COPA: variants seen among roughly 807,000 people sequenced by gnomAD.
COPA encodes the protein coatomer subunit alpha.
A neutral mutation model predicts 158.7 loss-of-function variants in COPA; 10 were observed. That is an observed-to-expected ratio of 0.06 (90% CI 0.04 to 0.11). The LOEUF (loss-of-function observed/expected upper bound fraction) is 0.11. Among genes scored for constraint, COPA ranks in the 10% least tolerant of loss-of-function variants. The probability of loss-of-function intolerance (pLI) is 1.00; values close to 1 mark genes in which losing one functional copy is unlikely to be tolerated. For missense variants in COPA, 1,065 were observed against 1,536.7 expected (o/e 0.69, Z 5.13); for synonymous variants, 462 against 542.8 (o/e 0.85, Z 2.07).
chr1:160,326,396 G>A (rs963329491), intron 6 of COPA, among the ~76,000 whole-genome samples: 1 of 152,168 alleles, frequency 6.6e-6, no homozygotes, highest in African/African-American at 2.4e-5. Flanking sequence ...GTGCAGTGGC[G>A]CGAGCCTGTA....
intron 17 of COPA, among the ~76,000 whole-genome samples, chr1:160,299,589 C>T (rs1160337562): frequency 6.6e-6 from 1 of 151,856 alleles, no homozygotes; most frequent in Admixed American, 6.6e-5. Flanking sequence ...TAATCTATAA[C>T]TGAAAGTAGA....
intron 3 of COPA, among the ~76,000 whole-genome samples, chr1:160,338,850 T>C (rs1225895124): frequency 2.0e-5 from 3 of 152,186 alleles, no homozygotes; most frequent in African/African-American, 4.8e-5. Flanking sequence ...TGTCTTCTTA[T>C]TCAACGTACT....
intron 8 of COPA, among the ~76,000 whole-genome samples, chr1:160,314,412 T>G (rs1403785945): frequency 6.6e-6 from 1 of 152,132 alleles, no homozygotes; most frequent in Admixed American, 6.5e-5. Context: ...GGGGATCACT[T>G]GAGCCTAGGA....
chr1:160,302,023 T>C (rs1658623480), intron 17 of COPA, among the ~76,000 whole-genome samples: 1 of 152,136 alleles, frequency 6.6e-6, no homozygotes, highest in African/African-American at 2.4e-5. Flanking sequence ...TAATTCCACA[T>C]TGCTGGAGAT....
chr1:160,306,228 G>T, intron 15 of COPA, 126 bp downstream of exon 15: 7 of 1,026,610 alleles, frequency 6.8e-6, no homozygotes, highest in Non-Finnish European at 1.0e-5. Flanking sequence ...TTACTATAAA[G>T]AGTCTTGGAG....
intron 26 of COPA, 75 bp downstream of exon 26, chr1:160,293,311 A>G (rs1658300164): frequency 6.2e-7 from 1 of 1,610,612 alleles, no homozygotes; most frequent in African/African-American, 1.3e-5. Context: ...ATAGTAGAAA[A>G]GTAGCCAACA....
rs1647976001 is a variant in COPA, at chr1:160,340,234, T to C, written c.101A>G (p.Gln34Arg). The C allele has an allele frequency of 6.2e-7, 1 of 1,613,756 alleles. No homozygotes were observed. Among genetic ancestry groups the C allele is most frequent in the Non-Finnish European group, 8.5e-7 (1 of 1,179,956 alleles). ...AGTGCACATCCGATAGTCCCATAAC[T>C]GGATGACCCCATTATGTAAACTAGT... is the stretch of plus-strand genomic sequence containing the variant. ...ILTSLHNGVI[Q>R]LWDYRMCTLI... Residue 34 changes from glutamine (Q) to arginine (R), a missense_variant, in exon 2 of 33, where the codon CAG (glutamine) becomes CGG (arginine). Physicochemically the swap from Gln to Arg is conservative, Grantham distance 43. Coordinates refer to ENST00000241704, the MANE Select transcript of COPA (RefSeq NM_004371.4).
chr1:160,323,228 A>C (rs1659384870), intron 8 of COPA, among the ~76,000 whole-genome samples: 1 of 152,118 alleles, frequency 6.6e-6, no homozygotes, highest in African/African-American at 2.4e-5. Flanking sequence ...CAGAATATAA[A>C]TATATTTATT....
chr1:160,297,534 A>C (rs1342689601), intron 20 of COPA, 22 bp downstream of exon 20: 1 of 1,612,958 alleles, frequency 6.2e-7, no homozygotes, highest in Non-Finnish European at 8.5e-7. Flanking sequence ...CCCTCTTCCC[A>C]TCCTTAGTTT....
intron 6 of COPA, among the ~76,000 whole-genome samples, chr1:160,328,492 G>A (rs1473080451): frequency 6.6e-6 from 1 of 152,150 alleles, no homozygotes; most frequent in Non-Finnish European, 1.5e-5. Context: ...AATTTCTACA[G>A]CAGCTACCCA....
intron 17 of COPA, among the ~76,000 whole-genome samples, chr1:160,303,442 C>T (rs576560142): frequency 2.6e-4 from 39 of 152,232 alleles, no homozygotes; most frequent in African/African-American, 7.2e-4. Flanking sequence ...GGAGAAAGAA[C>T]GGTCTTTTCA....
At chr1:160,301,426 C>A (rs913103045) in intron 17 of COPA, among the ~76,000 whole-genome samples, 3 of 152,148 alleles carry the variant, frequency 2.0e-5, no homozygotes, top group Non-Finnish European at 2.9e-5. Context: ...TGGTTTCAAG[C>A]ATGTCAAGTA....
chr1:160,320,608 C>CA (rs56849348), intron 8 of COPA, among the ~76,000 whole-genome samples: 458 of 15,480 alleles, frequency 0.03, 105 homozygotes, highest in African/African-American at 0.096. Context: ...GACTCCAACT[C>CA]AAAAAAAAAA....
intron 17 of COPA, among the ~76,000 whole-genome samples, chr1:160,304,420 C>T (rs946815387): frequency 5.9e-5 from 9 of 151,832 alleles, no homozygotes; most frequent in African/African-American, 2.2e-4. Flanking sequence ...AATCCCAGCA[C>T]TTTGGGGGGC....
At chr1:160,339,442 G>A (rs1304557144) in intron 3 of COPA, 2 of 153,808 alleles carry the variant, frequency 1.3e-5, no homozygotes, top group East Asian at 3.8e-4. Flanking sequence ...CCACAAACAG[G>A]TACTCCATGA....
intron 6 of COPA, among the ~76,000 whole-genome samples, chr1:160,326,882 A>C (rs191889428): frequency 6.6e-5 from 10 of 152,362 alleles, no homozygotes; most frequent in Admixed American, 6.5e-4. Context: ...AAGACACCAG[A>C]ATAATAATAG....
At position 160,292,101 on chromosome 1, in the gene COPA, C is replaced by T; in HGVS notation, c.3058G>A (p.Gly1020Ser). ...TTTTCCACAGCCTCCTCAAATTTGCCAACTGTGGTGAGCTGGTAGCACAGC... is the reference window on the plus strand; with the variant it reads ...TTTTCCACAGCCTCCTCAAATTTGCTAACTGTGGTGAGCTGGTAGCACAGC... ...LQLCYQLTTV[G>S]KFEEAVEKFR... Residue 1020 changes from glycine to serine, a missense_variant, in exon 29 of 33, where the codon GGC becomes AGC. This residue lies in a region of COPA where 980 missense variants were observed against 1,357.8 expected (regional missense o/e 0.72). Transcript: ENST00000241704. The T allele has an allele frequency of 6.2e-7, 1 of 1,614,162 alleles. No individual in the cohort carries two copies. Among genetic ancestry groups the T allele is most frequent in the Non-Finnish European group, 8.5e-7 (1 of 1,180,034 alleles).
At chr1:160,297,110 A>G (rs996196307) in intron 21 of COPA, among the ~76,000 whole-genome samples, 8 of 151,994 alleles carry the variant, frequency 5.3e-5, no homozygotes, top group Non-Finnish European at 8.8e-5. Flanking sequence ...AAAACCTCCT[A>G]TCTCCCCCAT....
intron 31 of COPA, 69 bp from the exon 32 acceptor site, chr1:160,290,755 A>G: frequency 6.9e-7 from 1 of 1,455,548 alleles, no homozygotes; most frequent in Non-Finnish European, 9.6e-7. Context: ...TCCCAACACC[A>G]TGGTTTGGTA....
Sources: gnomAD v4.1 joint callset for allele counts (sites outside exome capture counted in the v4.1 genomes callset) on GRCh38, gnomAD v4.1.1 for gene constraint, gnomAD v4.1.1 regional missense constraint, MANE v1.5 for transcripts, NCBI Gene and HGNC (gene_info 2026-07-23, HGNC 2026-07-21) for gene names.